IGSF10: variants seen among roughly 807,000 people sequenced by gnomAD.
IGSF10 encodes the protein immunoglobulin superfamily member 10, also known as calvaria mechanical force protein 608.
Under a neutral mutation model 128.2 loss-of-function variants are expected in IGSF10, and 126 were observed. The ratio of observed to expected loss-of-function variants is 0.98; its 90% CI spans 0.85 to 1.14. The LOEUF (loss-of-function observed/expected upper bound fraction) is 1.14. Ranked by LOEUF, IGSF10 falls within the 50% of genes most tolerant of loss-of-function variation. IGSF10 has a pLI of 0.00. For missense variants in IGSF10, 3,295 were observed against 3,149.8 expected (o/e 1.05, Z -1.10); for synonymous variants, 1,185 against 1,146.2 (o/e 1.03, Z -0.68).
chr3:151,521,853 T>C, the IGSF10 span, among the ~76,000 whole-genome samples: 2 of 151,602 alleles, frequency 1.3e-5, no homozygotes, highest in African/African-American at 2.4e-5. Flanking sequence ...GAAATAACCA[T>C]GATCAGAGCT....
chr3:151,545,259 T>C, the IGSF10 span, among the ~76,000 whole-genome samples: 1 of 152,164 alleles, frequency 6.6e-6, no homozygotes, highest in Non-Finnish European at 1.5e-5. Flanking sequence ...GGCTCCCCAC[T>C]TGTAGTTAAA....
the IGSF10 span, among the ~76,000 whole-genome samples, chr3:151,472,312 G>A: frequency 6.6e-6 from 1 of 152,180 alleles, no homozygotes; most frequent in Non-Finnish European, 1.5e-5. Flanking sequence ...TGGTTGGATA[G>A]AGGCCTTCCA....
the IGSF10 span, among the ~76,000 whole-genome samples, chr3:151,477,694 T>C: frequency 6.6e-6 from 1 of 152,194 alleles, no homozygotes; most frequent in Non-Finnish European, 1.5e-5. Context: ...TCAACAGAGA[T>C]TTAAATTTAA....
chr3:151,590,253 C>T, the IGSF10 span, among the ~76,000 whole-genome samples: 1 of 152,172 alleles, frequency 6.6e-6, no homozygotes, highest in Admixed American at 6.5e-5. Flanking sequence ...ATTGCCCAGG[C>T]TGTTCTTAAA....
chr3:151,558,027 A>ATATATTGTACCAAATATATATATATAT, the IGSF10 span, among the ~76,000 whole-genome samples: 3 of 52,926 alleles, frequency 5.7e-5, no homozygotes, highest in Admixed American at 8.5e-4. Context: ...TAATATATAT[A>ATATATTGTACCAAATATATATATATAT]TTGGTACAAT....
chr3:151,586,197 C>T, the IGSF10 span, among the ~76,000 whole-genome samples: 3 of 151,998 alleles, frequency 2.0e-5, no homozygotes, highest in Non-Finnish European at 2.9e-5. Context: ...TGGGCTCAAG[C>T]GATCCGCCCA....
intron 7 of IGSF10, among the ~76,000 whole-genome samples, chr3:151,441,885 C>T (rs1297593243): frequency 2.6e-5 from 4 of 152,118 alleles, no homozygotes; most frequent in Non-Finnish European, 5.9e-5. Context: ...CATGGTGAAA[C>T]TCCGTCTCTA....
chr3:151,547,196 C>T, the IGSF10 span, among the ~76,000 whole-genome samples: 5 of 152,104 alleles, frequency 3.3e-5, no homozygotes, highest in Admixed American at 6.6e-5. Flanking sequence ...ACAACCACAC[C>T]GTCCCACACA....
At chr3:151,528,349 G>GT in the IGSF10 span, among the ~76,000 whole-genome samples, 2,141 of 152,250 alleles carry the variant, frequency 0.014, 45 homozygotes, top group African/African-American at 0.049. Context: ...AATTTATAAG[G>GT]TTTTTTTAAA....
At chr3:151,518,210 C>T in the IGSF10 span, among the ~76,000 whole-genome samples, 1 of 151,878 alleles carries the variant, frequency 6.6e-6, no homozygotes, top group Admixed American at 6.6e-5. Flanking sequence ...GAGTTTTGGC[C>T]AAAGGTGGCC....
At chr3:151,473,151 AT>A in the IGSF10 span, among the ~76,000 whole-genome samples, 3 of 152,278 alleles carry the variant, frequency 2.0e-5, no homozygotes, top group East Asian at 5.8e-4. Flanking sequence ...TGTTGCCCTA[AT>A]CCTTTCGTTT....
chr3:151,529,746 TGAG>T, the IGSF10 span, among the ~76,000 whole-genome samples: 1 of 152,104 alleles, frequency 6.6e-6, no homozygotes, highest in South Asian at 2.1e-4. Context: ...TCCACGAAGA[TGAG>T]GAGAAACCAG....
chr3:151,438,211 T>C lies in IGSF10; in HGVS notation c.6350A>G (p.Tyr2117Cys), dbSNP rs1164159568. 6.2e-7 allele frequency: 1 copy of C among 1,614,182 alleles called. No homozygotes were observed. The highest frequency in any genetic ancestry group is 1.7e-5 in the Admixed American group (1 of 60,020). ...NKVGVAEEGD[Y>C]TCYAQNTLGK... ...TAGGGTGTTCTGGGCATAGCAAGTA[T>C]AATCTCCTTCCTCCGCTACCCCAAC... The change falls in exon 8 of 8, where the codon TAT (tyrosine) becomes TGT (cysteine). Residue 2117 changes from tyrosine to cysteine, a missense_variant. Coordinates refer to ENST00000282466, the MANE Select transcript of IGSF10 (RefSeq NM_178822.5).
the IGSF10 span, among the ~76,000 whole-genome samples, chr3:151,586,527 A>T: frequency 6.6e-6 from 1 of 152,224 alleles, no homozygotes; most frequent in African/African-American, 2.4e-5. Flanking sequence ...AATATGAAGC[A>T]TGTAATTAGA....
the IGSF10 span, among the ~76,000 whole-genome samples, chr3:151,508,349 T>C: frequency 6.6e-6 from 1 of 152,150 alleles, no homozygotes; most frequent in Non-Finnish European, 1.5e-5. Context: ...AATACACTAA[T>C]ATAAAAATAA....
the IGSF10 span, among the ~76,000 whole-genome samples, chr3:151,584,973 T>C: frequency 3.3e-5 from 5 of 152,222 alleles, no homozygotes; most frequent in South Asian, 1.0e-3. Flanking sequence ...TTACATTCTT[T>C]TGTATTTACA....
At chr3:151,586,651 A>G in the IGSF10 span, among the ~76,000 whole-genome samples, 10 of 152,214 alleles carry the variant, frequency 6.6e-5, no homozygotes, top group African/African-American at 2.4e-4. Flanking sequence ...TCATTTCTGC[A>G]TATGACTTTT....
At chr3:151,497,379 C>G in the IGSF10 span, among the ~76,000 whole-genome samples, 7 of 152,198 alleles carry the variant, frequency 4.6e-5, no homozygotes, top group Non-Finnish European at 1.0e-4. Flanking sequence ...GATCCAGTTT[C>G]AGCTTTCTCC....
At chr3:151,479,574 T>C in the IGSF10 span, among the ~76,000 whole-genome samples, 44,995 of 152,124 alleles carry the variant, frequency 0.3, 7,330 homozygotes, top group Middle Eastern at 0.38. Context: ...GCTAATCTCA[T>C]GGACACTTAG....
Sources: gnomAD v4.1 joint callset for allele counts (sites outside exome capture counted in the v4.1 genomes callset) on GRCh38, gnomAD v4.1.1 for gene constraint, MANE v1.5 for transcripts, NCBI Gene and HGNC (gene_info 2026-07-23, HGNC 2026-07-21) for gene names.